Variants in FCHO2 observed in about 807,000 individuals in gnomAD.
FCHO2 encodes F-BAR domain only protein 2.
FCHO2 carries 43 observed loss-of-function variants against 114.1 expected under a neutral mutation model. The ratio of observed to expected loss-of-function variants is 0.38; its 90% confidence interval spans 0.30 to 0.49. FCHO2 has a LOEUF of 0.49. Among genes scored for constraint, FCHO2 ranks in the 20% least tolerant of loss-of-function variants. The pLI is 0.97. For synonymous variants in FCHO2, 293 were observed against 315.2 expected, an observed-to-expected ratio of 0.93 and a Z score of 0.75; for missense variants, 807 against 950.4, an observed-to-expected ratio of 0.85 and a Z score of 1.98.
intron 12 of FCHO2, among the ~76,000 whole-genome samples, chr5:73,051,906 T>C (rs1757355862): frequency 6.6e-6 from 1 of 151,810 alleles, no homozygotes; most frequent in Admixed American, 6.6e-5. Context: ...AGTAGTCTTA[T>C]TTCTGTTAAG....
chr5:72,986,977 C>T (rs1274672298), intron 2 of FCHO2, among the ~76,000 whole-genome samples: 4 of 150,630 alleles, frequency 2.7e-5, no homozygotes, highest in Admixed American at 2.0e-4. Flanking sequence ...CTCCCGGGTT[C>T]ACACCATTCT....
intron 24 of FCHO2, among the ~76,000 whole-genome samples, chr5:73,083,969 A>G (rs1313370466): frequency 6.6e-6 from 1 of 150,506 alleles, no homozygotes; most frequent in Non-Finnish European, 1.5e-5. Flanking sequence ...ATTTCCCCCT[A>G]TTAAAGCTAA....
At chr5:72,963,586 A>G (rs1277478399) in intron 1 of FCHO2, among the ~76,000 whole-genome samples, 1 of 151,910 alleles carries the variant, frequency 6.6e-6, no homozygotes, top group African/African-American at 2.4e-5. Flanking sequence ...TCTGTCGCCC[A>G]GGCTGGAGTG....
chr5:72,983,944 C>A (rs560477699), intron 2 of FCHO2, among the ~76,000 whole-genome samples: 3 of 152,014 alleles, frequency 2.0e-5, no homozygotes, highest in African/African-American at 7.2e-5. Flanking sequence ...GTGTTCAACT[C>A]GAGTGACTAA....
intron 11 of FCHO2, among the ~76,000 whole-genome samples, chr5:73,048,204 C>T (rs1757155673): frequency 6.6e-6 from 1 of 151,858 alleles, no homozygotes. Context: ...AATCCCAACA[C>T]TTTGGGGGGC....
intron 24 of FCHO2, among the ~76,000 whole-genome samples, chr5:73,085,777 A>AAAATAAATAAAT (rs144379859): frequency 7.1e-6 from 1 of 140,150 alleles, no homozygotes; most frequent in Admixed American, 7.2e-5. Flanking sequence ...TCTGTCTCAA[A>AAAATAAATAAAT]AAATAAATAA....
intron 23 of FCHO2, among the ~76,000 whole-genome samples, chr5:73,082,260 C>CTTTT (rs11427541): frequency 2.8e-4 from 40 of 140,352 alleles, no homozygotes; most frequent in African/African-American, 1.0e-3. Context: ...CTCTAAACTT[C>CTTTT]TTTTTTTTTT....
In FCHO2 at chr5:72,956,117, C is replaced by A; in HGVS notation, c.21C>A (p.Val7=). Residue 7 remains valine (V), a synonymous_variant, in exon 1 of 26, where the codon GTC becomes GTA. Coordinates refer to ENST00000430046, the MANE Select transcript of FCHO2 (RefSeq NM_138782.3). ...GCACGATGGTCATGGCGTATTTCGT[C>A]GAGAATTTTTGGGTAAGCTTAGGAT... MVMAYF[V]ENFWGEKNSG... 4 of 1,541,692 alleles carry A rather than the reference C, an allele frequency of 2.6e-6. No homozygotes were observed. Among genetic ancestry groups the A allele is most frequent in the Non-Finnish European group, 3.5e-6 (4 of 1,143,056 alleles).
chr5:73,027,628 A>AAT (rs1756012524), intron 8 of FCHO2, among the ~76,000 whole-genome samples: 1 of 152,170 alleles, frequency 6.6e-6, no homozygotes, highest in African/African-American at 2.4e-5. Flanking sequence ...ATAAGTAATG[A>AAT]ATATATTAGA....
rs114086600 is a variant in FCHO2 at position 73,039,036 on chromosome 5, A to G, written c.914+1821A>G. ...TTTTCCTTATCAATAATTTCCCAAT[A>G]TGATATTAAGCCACTTAGGGTGGTT... On this transcript the variant is annotated intron_variant, in intron 10 of 25. Transcript: ENST00000430046. Among the ~76,000 whole-genome samples, 288 of 152,298 alleles carry G rather than the reference A, an allele frequency of 1.9e-3. 2 individuals carry two copies. The highest frequency in any genetic ancestry group is 6.7e-3 in the African/African-American group (277 of 41,558).
intron 20 of FCHO2, among the ~76,000 whole-genome samples, chr5:73,076,059 A>G (rs541134742): frequency 6.6e-6 from 1 of 152,160 alleles, no homozygotes; most frequent in East Asian, 1.9e-4. Flanking sequence ...GAATGATTTA[A>G]CAAAGGAATT....
chr5:73,020,820 G>A (rs1360168867), intron 8 of FCHO2: 7 of 911,322 alleles, frequency 7.7e-6, no homozygotes, highest in South Asian at 6.5e-5. Context: ...TCCTGTCTGC[G>A]ATGCTGCCGA....
chr5:73,078,428 GT>G, intron 22 of FCHO2, 116 bp downstream of exon 22: 2 of 991,236 alleles, frequency 2.0e-6, no homozygotes, highest in Non-Finnish European at 2.9e-6. Context: ...ATTCAAGGAT[GT>G]TTTGAAATTA....
intron 5 of FCHO2, among the ~76,000 whole-genome samples, chr5:72,994,575 G>T (rs779198529): frequency 3.3e-5 from 5 of 152,226 alleles, no homozygotes; most frequent in African/African-American, 1.2e-4. Context: ...AGTGTGTGGC[G>T]ATTCTTCAAA....
chr5:73,006,581 G>T, intron 6 of FCHO2, 32 bp downstream of exon 6: 1 of 1,379,918 alleles, frequency 7.2e-7, no homozygotes, highest in South Asian at 1.5e-5. Context: ...ATTGAAAACA[G>T]GGCATTTATA....
chr5:72,975,997 A>G (rs970233817), intron 2 of FCHO2, among the ~76,000 whole-genome samples: 1 of 152,220 alleles, frequency 6.6e-6, no homozygotes, highest in Non-Finnish European at 1.5e-5. Flanking sequence ...TTAAATACCA[A>G]GGAACGCAGT....
At chr5:72,956,321 C>T (rs1468256719) in intron 1 of FCHO2, among the ~76,000 whole-genome samples, 192 bp downstream of exon 1, 1 of 151,774 alleles carries the variant, frequency 6.6e-6, no homozygotes, top group East Asian at 2.0e-4. Flanking sequence ...GCTCGCAGCC[C>T]TATGGGGACG....
chr5:72,961,094 T>C (rs1324366424), intron 1 of FCHO2, among the ~76,000 whole-genome samples: 3 of 152,188 alleles, frequency 2.0e-5, no homozygotes, highest in Non-Finnish European at 4.4e-5. Flanking sequence ...AAAATTAAAT[T>C]GAAACATTGG....
At chr5:73,000,200 C>T (rs1057017875) in intron 5 of FCHO2, among the ~76,000 whole-genome samples, 4 of 152,168 alleles carry the variant, frequency 2.6e-5, no homozygotes, top group East Asian at 1.9e-4. Context: ...AGGCCAGGCA[C>T]GGTGGCTCAT....
Sources: allele counts gnomAD v4.1 joint callset (sites outside exome capture counted in the v4.1 genomes callset), GRCh38; gene constraint gnomAD v4.1.1; transcripts MANE v1.5; gene names NCBI Gene and HGNC (gene_info 2026-07-23, HGNC 2026-07-21).